Variants in TRAPPC9 observed in about 807,000 individuals in gnomAD.
TRAPPC9 encodes the protein IKK2 binding protein.
In TRAPPC9, 83 loss-of-function variants were observed where a neutral mutation model predicts 124.0. The ratio of observed to expected loss-of-function variants is 0.67; its 90% CI spans 0.56 to 0.80. The LOEUF (loss-of-function observed/expected upper bound fraction) is 0.80. Ranked by LOEUF, TRAPPC9 falls within the 30% of genes least tolerant of loss-of-function variation. The pLI is 0.00. For synonymous variants in TRAPPC9, 638 were observed against 617.5 expected, an observed-to-expected ratio of 1.03 and a Z score of -0.49; for missense variants, 1,302 against 1,508.3, an observed-to-expected ratio of 0.86 and a Z score of 2.27.
chr8:140,388,966 T>C (rs541568951), intron 7 of TRAPPC9, among the ~76,000 whole-genome samples: 1 of 149,916 alleles, frequency 6.7e-6, no homozygotes, highest in South Asian at 2.1e-4. Context: ...CTTTTTTTTT[T>C]TTTTTTTTTT....
At chr8:140,437,281 G>T (rs1341044614) in intron 3 of TRAPPC9, among the ~76,000 whole-genome samples, 2 of 151,880 alleles carry the variant, frequency 1.3e-5, no homozygotes, top group African/African-American at 4.8e-5. Context: ...ATTTTTTGTA[G>T]AAGTGTTGGG....
At chr8:140,356,237 G>A (rs1248585743) in intron 9 of TRAPPC9, among the ~76,000 whole-genome samples, 1 of 152,212 alleles carries the variant, frequency 6.6e-6, no homozygotes, top group African/African-American at 2.4e-5. Flanking sequence ...AGAGCCCTAT[G>A]TGCTCGTCCA....
intron 15 of TRAPPC9, among the ~76,000 whole-genome samples, chr8:140,267,800 G>A (rs1019984972): frequency 2.6e-5 from 4 of 152,210 alleles, no homozygotes; most frequent in South Asian, 4.2e-4. Flanking sequence ...TCAAGTAGCT[G>A]GGATTACAGG....
chr8:140,209,214 T>C (rs2062999506), intron 17 of TRAPPC9, among the ~76,000 whole-genome samples: 1 of 152,190 alleles, frequency 6.6e-6, no homozygotes, highest in African/African-American at 2.4e-5. Context: ...CTTTCCTTGT[T>C]TGTCCACGTG....
At chr8:139,871,474 G>A (rs898018781) in intron 21 of TRAPPC9, among the ~76,000 whole-genome samples, 10 of 152,072 alleles carry the variant, frequency 6.6e-5, no homozygotes, top group African/African-American at 1.4e-4. Flanking sequence ...CCAGCCCCGC[G>A]AGCCAGAAGG....
intron 17 of TRAPPC9, among the ~76,000 whole-genome samples, chr8:140,167,956 G>C (rs1204412814): frequency 6.6e-6 from 1 of 152,206 alleles, no homozygotes; most frequent in Non-Finnish European, 1.5e-5. Context: ...ATGGATAAAA[G>C]GAGAAGTTAA....
At position 139,938,385 on chromosome 8, in the gene TRAPPC9, C is replaced by T. The variant is rs542998121; in HGVS notation, c.2811-28085G>A. ...CTGCAAGCTCCGCCTCCCGGGTTCA[C>T]GCCATTCTCCTGCCTCAGCCTCCCG... On this transcript the variant is annotated intron_variant, in intron 19 of 22. Transcript: ENST00000438773. 7.2e-5 allele frequency among the ~76,000 whole-genome samples: 11 copies of T among 152,030 alleles called. No homozygotes were observed. In the South Asian group the frequency reaches 1.9e-3, roughly 26 times the overall value.
intron 2 of TRAPPC9, among the ~76,000 whole-genome samples, chr8:140,445,317 T>C (rs1308549257): frequency 1.3e-5 from 2 of 152,194 alleles, no homozygotes; most frequent in Non-Finnish European, 2.9e-5. Flanking sequence ...CCCGTAAATG[T>C]GTGCTGAGTC....
chr8:140,037,617 T>A (rs1161535407), intron 17 of TRAPPC9, among the ~76,000 whole-genome samples: 1 of 145,042 alleles, frequency 6.9e-6, no homozygotes, highest in African/African-American at 2.6e-5. Context: ...CACACACATA[T>A]ACAGACACAT....
chr8:140,166,211 T>C (rs2061836112), intron 17 of TRAPPC9, among the ~76,000 whole-genome samples: 1 of 152,164 alleles, frequency 6.6e-6, no homozygotes. Flanking sequence ...GTCCCATGGT[T>C]CCCTTCCCAG....
At chr8:139,930,014 G>A (rs1224551031) in intron 19 of TRAPPC9, among the ~76,000 whole-genome samples, 2 of 151,070 alleles carry the variant, frequency 1.3e-5, no homozygotes, top group Non-Finnish European at 3.0e-5. Context: ...GGCACTGTGC[G>A]TGGATTCTGC....
Position 140,245,978 on chromosome 8 carries a change from A to G in TRAPPC9, c.2431+6799T>C, listed in dbSNP as rs143116844. Among the ~76,000 whole-genome samples the G allele has an allele frequency of 3.3e-5, 5 of 152,320 alleles. No individual in the cohort carries two copies. The East Asian group carries it at 9.6e-4, about 29-fold the overall frequency. ...CCATTGTTAGCCCAAATACTTCTAT[A>G]AAGAGAGACTCCCCTCATCAACTGG... is the stretch of plus-strand genomic sequence containing the variant. On this transcript the variant is annotated intron_variant, in intron 16 of 22. Coordinates refer to ENST00000438773, the MANE Select transcript of TRAPPC9 (RefSeq NM_001160372.4).
intron 21 of TRAPPC9, among the ~76,000 whole-genome samples, chr8:139,850,648 A>G (rs1173476652): frequency 1.3e-5 from 2 of 152,260 alleles, no homozygotes; most frequent in Non-Finnish European, 2.9e-5. Flanking sequence ...TGAGTTGAAC[A>G]ATCAAGTCAT....
intron 19 of TRAPPC9, among the ~76,000 whole-genome samples, chr8:139,979,535 G>A (rs556147558): frequency 1.1e-4 from 16 of 152,270 alleles, no homozygotes; most frequent in East Asian, 3.9e-4. Context: ...CCCAGGCTGC[G>A]TCCAGCCAGT....
intron 17 of TRAPPC9, among the ~76,000 whole-genome samples, chr8:140,094,383 C>T (rs1021410441): frequency 6.6e-6 from 1 of 152,192 alleles, no homozygotes; most frequent in Non-Finnish European, 1.5e-5. Flanking sequence ...AGGCGCAGAT[C>T]GGGCTGGCTC....
intron 14 of TRAPPC9, among the ~76,000 whole-genome samples, chr8:140,283,243 A>C (rs1241884281): frequency 6.7e-6 from 1 of 150,236 alleles, no homozygotes; most frequent in Non-Finnish European, 1.5e-5. Flanking sequence ...GTCTCAAAAA[A>C]TTAATTAATT....
intron 21 of TRAPPC9, among the ~76,000 whole-genome samples, chr8:139,743,164 T>G (rs1818670078): frequency 6.6e-6 from 1 of 152,178 alleles, no homozygotes; most frequent in African/African-American, 2.4e-5. Context: ...AGCGGAATGA[T>G]CTGTGGATTT....
At chr8:140,090,883 A>G (rs1037195431) in intron 17 of TRAPPC9, among the ~76,000 whole-genome samples, 1 of 152,184 alleles carries the variant, frequency 6.6e-6, no homozygotes, top group Non-Finnish European at 1.5e-5. Context: ...GGCCATATTA[A>G]TGGGCTGGCT....
At chr8:140,349,423 C>T (rs28666416) in intron 9 of TRAPPC9, among the ~76,000 whole-genome samples, 1 of 46,552 alleles carries the variant, frequency 2.1e-5, no homozygotes, top group East Asian at 5.1e-4. Context: ...GGGCACACAG[C>T]GGGGCCGATG....
Sources: allele counts gnomAD v4.1 joint callset (sites outside exome capture counted in the v4.1 genomes callset), GRCh38; gene constraint gnomAD v4.1.1; transcripts MANE v1.5; gene names NCBI Gene and HGNC (gene_info 2026-07-23, HGNC 2026-07-21).